SAV1: variants seen among roughly 807,000 people sequenced by gnomAD.
The protein encoded by SAV1 is salvador family WW domain containing protein 1.
Under a neutral mutation model 47.3 loss-of-function variants are expected in SAV1, and 23 were observed. That is an observed-to-expected ratio of 0.49 (90% CI 0.35 to 0.69). The LOEUF (loss-of-function observed/expected upper bound fraction) is 0.69, where lower values mean the gene tolerates loss of function less well. Ranked by LOEUF, SAV1 falls within the 30% of genes least tolerant of loss-of-function variation. The pLI, the probability that SAV1 is intolerant of heterozygous loss-of-function variation, is 0.01. For missense variants in SAV1, 448 were observed against 457.4 expected (o/e 0.98, Z 0.19); for synonymous variants, 155 against 159.2 (o/e 0.97, Z 0.20).
intron 1 of SAV1, among the ~76,000 whole-genome samples, chr14:50,666,839 A>T (rs531098861): frequency 6.6e-6 from 1 of 152,220 alleles, no homozygotes; most frequent in East Asian, 1.9e-4. Flanking sequence ...TACTCAACTG[A>T]CATATATTTT....
Position 50,645,028 on chromosome 14 carries a change from G to T in SAV1, c.536-14C>A. The T allele has an allele frequency of 6.3e-7, 1 of 1,593,768 alleles. No individual in the cohort carries two copies. Among genetic ancestry groups the T allele is most frequent in the South Asian group, 1.1e-5 (1 of 89,710 alleles). On this transcript the variant is annotated splice_polypyrimidine_tract_variant and intron_variant, in intron 2 of 4. Transcript: ENST00000324679. The stretch of plus-strand genomic sequence containing the variant: ...CTCTCCCAATACCTACGGGGAAAGA[G>T]AAAATGATAGAGAAGAAACAGAACA...
Position 50,668,101 on chromosome 14 carries a change from T to C in SAV1, c.-134A>G, listed in dbSNP as rs2039920844. The C allele has an allele frequency of 8.4e-6, 4 of 474,582 alleles. No individual in the cohort carries two copies. Among genetic ancestry groups the C allele is most frequent in the South Asian group, 7.6e-5 (1 of 13,184 alleles). The allele number at this position is 474,582 out of a possible 1,614,324, so 29.4% of individuals were successfully genotyped here. On this transcript the variant is annotated 5_prime_UTR_variant, in exon 1 of 5. Coordinates refer to ENST00000324679, the MANE Select transcript of SAV1 (RefSeq NM_021818.4). ...CCGAGCCGCCGCCTCCGCCGCCGCCTGTCCGGAGCCCGGGGTCGCCCGCAG... is the reference window on the plus strand; with the variant it reads ...CCGAGCCGCCGCCTCCGCCGCCGCCCGTCCGGAGCCCGGGGTCGCCCGCAG...
intron 2 of SAV1, among the ~76,000 whole-genome samples, chr14:50,647,943 A>G (rs1334245372): frequency 3.3e-5 from 5 of 152,228 alleles, no homozygotes; most frequent in Non-Finnish European, 4.4e-5. Context: ...ATTCCCAAAT[A>G]TTTACCCTAG....
chr14:50,651,621 A>T (rs2039770647), intron 2 of SAV1, among the ~76,000 whole-genome samples: 1 of 152,098 alleles, frequency 6.6e-6, no homozygotes, highest in Non-Finnish European at 1.5e-5. Flanking sequence ...TTTATGTATT[A>T]CTTATTTATT....
At chr14:50,659,999 T>A (rs1244991313) in intron 2 of SAV1, among the ~76,000 whole-genome samples, 5 of 152,204 alleles carry the variant, frequency 3.3e-5, no homozygotes, top group Non-Finnish European at 7.4e-5. Flanking sequence ...AGCTATAGGT[T>A]TAAACAGTAA....
chr14:50,640,958 G>C (rs893269911), intron 3 of SAV1, 65 bp from the exon 4 acceptor site: 2 of 1,443,146 alleles, frequency 1.4e-6, no homozygotes, highest in African/African-American at 1.4e-5. Flanking sequence ...AAATTATAAA[G>C]AACAAATAAT....
chr14:50,649,576 A>G (rs1310577822), intron 2 of SAV1, among the ~76,000 whole-genome samples: 1 of 152,216 alleles, frequency 6.6e-6, no homozygotes, highest in Non-Finnish European at 1.5e-5. Context: ...GGTGTTTTTT[A>G]TAATCAAGAG....
intron 2 of SAV1, among the ~76,000 whole-genome samples, chr14:50,660,536 T>C (rs1388973116): frequency 2.0e-5 from 3 of 152,232 alleles, no homozygotes; most frequent in Non-Finnish European, 4.4e-5. Flanking sequence ...TGTGATATTG[T>C]GATACATGCA....
rs754758195 is a variant in SAV1, at chr14:50,665,570, A to G, written c.144T>C (p.Thr48=). 6.2e-7 allele frequency: 1 copy of G among 1,613,696 alleles called. No individual in the cohort carries two copies. The highest frequency in any genetic ancestry group is 1.1e-5 in the South Asian group (1 of 91,042). Residue 48 remains threonine (T), a synonymous_variant, in exon 2 of 5, where the codon ACT becomes ACC. Coordinates refer to ENST00000324679, the MANE Select transcript of SAV1 (RefSeq NM_021818.4). The stretch of plus-strand genomic sequence containing the variant: ...GGCTTGAATCTGGAAGACAGATATC[A>G]GTTCGTCTTGGAATTGTTGGACCAT... ...IRHGPTIPRR[T]DICLPDSSPN... is the part of the protein sequence containing the mutation.
rs140126177 is a variant in SAV1, at chr14:50,640,766, C to A, written c.934G>T (p.Ala312Ser). 3.7e-6 allele frequency: 6 copies of A among 1,612,786 alleles called. No individual in the cohort carries two copies. The highest frequency in any genetic ancestry group is 1.7e-5 in the Admixed American group (1 of 59,888). Residue 312 changes from alanine (A) to serine (S), a missense_variant, in exon 4 of 5, where the codon GCA (alanine) becomes TCA (serine). Ala to Ser is a moderately conservative substitution (Grantham distance 99). Transcript: ENST00000324679. ...AEIPDWLQVYARAPVKYDHIL... is the reference protein window; with the variant it reads ...AEIPDWLQVYSRAPVKYDHIL... Reference sequence around the variant, plus strand: ...TGTACTTACTTCACAGGGGCTCGTGCGTAAACCTGAAGCCAGTCAGGAATT... The same window carrying A: ...TGTACTTACTTCACAGGGGCTCGTGAGTAAACCTGAAGCCAGTCAGGAATT...
chr14:50,642,317 C>T (rs755503580), intron 3 of SAV1, among the ~76,000 whole-genome samples: 3 of 151,900 alleles, frequency 2.0e-5, no homozygotes, highest in South Asian at 2.1e-4. Flanking sequence ...GCAGAAACCC[C>T]GTCTCTACTA....
At chr14:50,642,039 C>G (rs2039684332) in intron 3 of SAV1, among the ~76,000 whole-genome samples, 1 of 152,114 alleles carries the variant, frequency 6.6e-6, no homozygotes, top group Non-Finnish European at 1.5e-5. Flanking sequence ...TAAAAAAGAA[C>G]AAGAGCATGT....
At chr14:50,640,684 A>G (rs1414573835) in intron 4 of SAV1, 66 bp downstream of exon 4, 1 of 1,433,196 alleles carries the variant, frequency 7.0e-7, no homozygotes, top group African/African-American at 1.4e-5. Flanking sequence ...TGGATCGAGC[A>G]GCCCAGAGAC....
chr14:50,655,812 G>T (rs1006152213), intron 2 of SAV1, among the ~76,000 whole-genome samples: 1 of 152,128 alleles, frequency 6.6e-6, no homozygotes, highest in African/African-American at 2.4e-5. Context: ...CTGGGGGGCC[G>T]AGGTGGGTGG....
At chr14:50,657,529 G>A (rs1307445400) in intron 2 of SAV1, among the ~76,000 whole-genome samples, 3 of 152,092 alleles carry the variant, frequency 2.0e-5, no homozygotes, top group Non-Finnish European at 4.4e-5. Context: ...TGTAATCTCA[G>A]CAACAAAAGA....
intron 2 of SAV1, among the ~76,000 whole-genome samples, chr14:50,661,400 T>G (rs1323234951): frequency 6.6e-6 from 1 of 152,244 alleles, no homozygotes; most frequent in Non-Finnish European, 1.5e-5. Context: ...CAATATGTTG[T>G]CTCTTCATTC....
intron 4 of SAV1, among the ~76,000 whole-genome samples, chr14:50,638,352 T>C (rs986128428): frequency 6.6e-6 from 1 of 152,236 alleles, no homozygotes; most frequent in African/African-American, 2.4e-5. Flanking sequence ...ACTCCAGTAG[T>C]CCATGCTTCT....
At chr14:50,642,963 C>G (rs2039692340) in intron 3 of SAV1, among the ~76,000 whole-genome samples, 1 of 152,184 alleles carries the variant, frequency 6.6e-6, no homozygotes, top group Non-Finnish European at 1.5e-5. Flanking sequence ...CCTCCTATCC[C>G]TAAGCCTCAG....
intron 2 of SAV1, among the ~76,000 whole-genome samples, chr14:50,661,078 C>T (rs960855103): frequency 6.6e-6 from 1 of 152,148 alleles, no homozygotes; most frequent in African/African-American, 2.4e-5. Flanking sequence ...ACATTCCCAC[C>T]AACAGTCTGT....
Sources: allele counts gnomAD v4.1 joint callset (sites outside exome capture counted in the v4.1 genomes callset), GRCh38; gene constraint gnomAD v4.1.1; transcripts MANE v1.5; gene names NCBI Gene and HGNC (gene_info 2026-07-23, HGNC 2026-07-21).